The following SDK1 variants were observed in gnomAD, a reference collection of about 807,000 sequenced individuals.
SDK1 encodes the protein protein sidekick-1.
In SDK1, 157 loss-of-function variants were observed where a neutral mutation model predicts 245.5. The ratio of observed to expected loss-of-function variants is 0.64; its 90% CI spans 0.56 to 0.73. The LOEUF (loss-of-function observed/expected upper bound fraction) is 0.73. Among genes scored for constraint, SDK1 ranks in the 30% least tolerant of loss-of-function variants. The probability of loss-of-function intolerance (pLI) is 0.00; values close to 1 mark genes in which losing one functional copy is unlikely to be tolerated. For missense variants in SDK1, 3,583 were observed against 3,002.3 expected (o/e 1.19, Z -4.52); for synonymous variants, 1,647 against 1,278.5 (o/e 1.29, Z -6.15).
intron 1 of SDK1, among the ~76,000 whole-genome samples, chr7:3,350,068 G>T (rs1489365538): frequency 6.6e-6 from 1 of 152,168 alleles, no homozygotes; most frequent in African/African-American, 2.4e-5. Context: ...ATAACAAAAG[G>T]TCATGCTATT....
At chr7:4,039,570 C>A (rs1224676452) in intron 17 of SDK1, among the ~76,000 whole-genome samples, 1 of 152,114 alleles carries the variant, frequency 6.6e-6, no homozygotes, top group Non-Finnish European at 1.5e-5. Flanking sequence ...TATTGACATT[C>A]CTTTTTATTT....
At chr7:3,701,778 A>G (rs1259013841) in intron 4 of SDK1, among the ~76,000 whole-genome samples, 1 of 152,180 alleles carries the variant, frequency 6.6e-6, no homozygotes, top group Non-Finnish European at 1.5e-5. Flanking sequence ...GGATAGACAC[A>G]TGAATCAATG....
chr7:3,900,390 T>A (rs1781746305), intron 5 of SDK1, among the ~76,000 whole-genome samples: 1 of 152,214 alleles, frequency 6.6e-6, no homozygotes. Flanking sequence ...TTAGGTTTTA[T>A]CTGGTTTTTC....
At chr7:3,966,978 TC>T (rs796283209) in intron 9 of SDK1, among the ~76,000 whole-genome samples, 22 of 152,316 alleles carry the variant, frequency 1.4e-4, no homozygotes, top group African/African-American at 5.1e-4. Flanking sequence ...GGGCTACCTT[TC>T]ATTTAAAGAA....
chr7:4,202,423 C>T lies in SDK1; in HGVS notation c.5099-3456C>T, dbSNP rs575843818. ...CCAAGACTCTGGTTGGGGGAGCAGCCCCCGTGTGACTGGCCAGCCTCAGGG... is the reference window on the plus strand; with the variant it reads ...CCAAGACTCTGGTTGGGGGAGCAGCTCCCGTGTGACTGGCCAGCCTCAGGG... On this transcript the variant is annotated intron_variant, in intron 35 of 44. Transcript: ENST00000404826. 2.6e-5 allele frequency among the ~76,000 whole-genome samples: 4 copies of T among 152,326 alleles called. No individual in the cohort carries two copies. In the South Asian group the frequency reaches 8.3e-4, roughly 32 times the overall value.
chr7:3,363,560 C>T (rs1199792782), intron 1 of SDK1, among the ~76,000 whole-genome samples: 5 of 151,990 alleles, frequency 3.3e-5, no homozygotes, highest in Non-Finnish European at 7.4e-5. Flanking sequence ...CACCAGGGAC[C>T]GGTTTCTTCA....
intron 1 of SDK1, among the ~76,000 whole-genome samples, chr7:3,598,415 C>T (rs751406439): frequency 6.6e-6 from 1 of 152,064 alleles, no homozygotes; most frequent in African/African-American, 2.4e-5. Flanking sequence ...ATTTTGAGAT[C>T]ATTGTAGACT....
At chr7:4,138,748 C>CAA (rs55654163) in intron 28 of SDK1, among the ~76,000 whole-genome samples, 10,853 of 141,632 alleles carry the variant, frequency 0.077, 843 homozygotes, top group African/African-American at 0.19. Flanking sequence ...AACTCTGTCT[C>CAA]AAAAAAAAAA....
At chr7:3,809,648 A>G (rs937797209) in intron 4 of SDK1, among the ~76,000 whole-genome samples, 6 of 152,216 alleles carry the variant, frequency 3.9e-5, no homozygotes, top group African/African-American at 7.2e-5. Flanking sequence ...ATAATTTTCT[A>G]GTATTCCTCT....
intron 28 of SDK1, among the ~76,000 whole-genome samples, chr7:4,139,545 GTGTGTATATGTATATA>G (rs1242827526): frequency 1.6e-5 from 1 of 61,726 alleles, no homozygotes; most frequent in African/African-American, 4.8e-5. Context: ...GTATATATGT[GTGTGTATATGTATATA>G]TGTGTGTATA....
chr7:4,076,701 G>A (rs1158751384), intron 20 of SDK1, among the ~76,000 whole-genome samples: 1 of 152,234 alleles, frequency 6.6e-6, no homozygotes, highest in African/African-American at 2.4e-5. Context: ...ACCTGGTGCT[G>A]AGGTTACCAG....
intron 1 of SDK1, among the ~76,000 whole-genome samples, chr7:3,515,084 G>A (rs78191751): frequency 0.022 from 3,413 of 152,180 alleles, 138 homozygotes; most frequent in African/African-American, 0.077. Flanking sequence ...GCGGGTAGAA[G>A]GAGCAGGTGA....
chr7:3,433,216 C>T (rs1022059436), intron 1 of SDK1, among the ~76,000 whole-genome samples: 4 of 152,152 alleles, frequency 2.6e-5, no homozygotes, highest in Non-Finnish European at 4.4e-5. Flanking sequence ...TCCACATTAT[C>T]TAGTTATCTG....
intron 38 of SDK1, among the ~76,000 whole-genome samples, chr7:4,214,787 A>T (rs960373398): frequency 6.6e-6 from 1 of 152,204 alleles, no homozygotes; most frequent in Admixed American, 6.5e-5. Context: ...CAATGGCCTT[A>T]TAGAGCTTCC....
chr7:3,718,116 T>G (rs1477097723), intron 4 of SDK1, among the ~76,000 whole-genome samples: 1 of 152,108 alleles, frequency 6.6e-6, no homozygotes, highest in African/African-American at 2.4e-5. Flanking sequence ...GCTTCATATT[T>G]GAAAATCAAC....
At chr7:3,633,985 C>T (rs1234775550) in intron 2 of SDK1, among the ~76,000 whole-genome samples, 2 of 152,050 alleles carry the variant, frequency 1.3e-5, no homozygotes, top group Admixed American at 1.3e-4. Flanking sequence ...CCACTGTGCC[C>T]CCACCACCGC....
At chr7:4,179,025 T>C (rs1250476398) in intron 35 of SDK1, 1 of 163,110 alleles carries the variant, frequency 6.1e-6, no homozygotes, top group Non-Finnish European at 1.3e-5. Flanking sequence ...ATGTGGGCCA[T>C]TGTCTCCACC....
At chr7:3,595,155 G>A (rs943285691) in intron 1 of SDK1, among the ~76,000 whole-genome samples, 3 of 152,034 alleles carry the variant, frequency 2.0e-5, no homozygotes, top group African/African-American at 7.2e-5. Flanking sequence ...AATCTTGCCT[G>A]AATAATGTGA....
At position 3,472,824 on chromosome 7, in the gene SDK1, G is replaced by A. The variant is rs534705312; in HGVS notation, c.299-146256G>A. Among the ~76,000 whole-genome samples the A allele has an allele frequency of 5.1e-4, 77 of 152,258 alleles. 2 individuals are homozygous for A. The South Asian group carries it at 0.015, about 30-fold the overall frequency. On this transcript the variant is annotated intron_variant, in intron 1 of 44. Transcript: ENST00000404826. ...ATAGGGTAACAGCAAGTTGCTTGCC[G>A]TAGTTTTAGGTCTGGCTTACAGTAC...
Sources: allele counts gnomAD v4.1 joint callset (sites outside exome capture counted in the v4.1 genomes callset), GRCh38; gene constraint gnomAD v4.1.1; transcripts MANE v1.5; gene names NCBI Gene and HGNC (gene_info 2026-07-23, HGNC 2026-07-21).